RAP1GDS1: variants seen among roughly 807,000 people sequenced by gnomAD.
RAP1GDS1 encodes Rap1 GTPase-GDP dissociation stimulator 1.
A neutral mutation model predicts 71.1 loss-of-function variants in RAP1GDS1; 35 were observed. The observed-to-expected ratio is 0.49, with a 90% CI of 0.38 to 0.65. The LOEUF is 0.65. Ranked by LOEUF, RAP1GDS1 falls within the 30% of genes least tolerant of loss-of-function variation. RAP1GDS1 has a pLI of 0.00. For synonymous variants in RAP1GDS1, 229 were observed against 243.1 expected, an observed-to-expected ratio of 0.94 and a Z score of 0.54; for missense variants, 663 against 706.1, an observed-to-expected ratio of 0.94 and a Z score of 0.69.
At chr4:98,308,277 C>CAT (rs1176439955) in intron 2 of RAP1GDS1, among the ~76,000 whole-genome samples, 2 of 128,784 alleles carry the variant, frequency 1.6e-5, no homozygotes, top group African/African-American at 6.1e-5. Flanking sequence ...CACCCACACA[C>CAT]ATATATATAC....
At position 98,320,221 on chromosome 4, in the gene RAP1GDS1, GACTT is replaced by G. The variant is rs375229332; in HGVS notation, c.113-22913_113-22910del. Among the ~76,000 whole-genome samples the G allele has an allele frequency of 3.9e-3, 592 of 152,220 alleles. 2 individuals are homozygous for G. The highest frequency in any genetic ancestry group is 7.4e-3 in the Admixed American group (114 of 15,304). ...AGTCAAAAGATATTTGCGGGTTTTC[GACTT>G]ACTTTATTTATTCTTTTATCAGCAA... On this transcript the variant is annotated intron_variant, in intron 2 of 14. Transcript: ENST00000408927.
At chr4:98,355,162 A>T (rs1165222390) in intron 4 of RAP1GDS1, among the ~76,000 whole-genome samples, 1 of 152,134 alleles carries the variant, frequency 6.6e-6, no homozygotes, top group Non-Finnish European at 1.5e-5. Flanking sequence ...TGACAACTGG[A>T]AATTTTTCCT....
In RAP1GDS1 at chr4:98,427,220, T is replaced by C. The variant is rs139447520; in HGVS notation, c.1440+5826T>C. Among the ~76,000 whole-genome samples the C allele has an allele frequency of 7.7e-4, 117 of 152,140 alleles. 1 individual carries two copies. The highest frequency in any genetic ancestry group is 1.4e-3 in the Non-Finnish European group (97 of 67,966). The stretch of plus-strand genomic sequence containing the variant: ...TTAACATACCAGTGACATACCTCAA[T>C]ATAATAAAAGCCGTCTATGAGAAAC... On this transcript the variant is annotated intron_variant, in intron 12 of 14. Transcript: ENST00000408927.
chr4:98,358,104 C>T (rs1738209364), intron 4 of RAP1GDS1, among the ~76,000 whole-genome samples: 1 of 151,902 alleles, frequency 6.6e-6, no homozygotes, highest in Admixed American at 6.6e-5. Context: ...ACTTGATATG[C>T]CTTGTAATTT....
chr4:98,377,622 A>G (rs1285527682), intron 4 of RAP1GDS1, among the ~76,000 whole-genome samples: 2 of 125,092 alleles, frequency 1.6e-5, no homozygotes, highest in African/African-American at 7.2e-5. Context: ...AGGTCTTACT[A>G]TATAATTGTG....
intron 1 of RAP1GDS1, among the ~76,000 whole-genome samples, chr4:98,274,693 T>C (rs1723953220): frequency 6.6e-6 from 1 of 152,176 alleles, no homozygotes; most frequent in Non-Finnish European, 1.5e-5. Flanking sequence ...ATGGAGACTC[T>C]TCATAGACTC....
At chr4:98,356,343 A>G (rs1040923915) in intron 4 of RAP1GDS1, among the ~76,000 whole-genome samples, 3 of 152,114 alleles carry the variant, frequency 2.0e-5, no homozygotes, top group African/African-American at 7.2e-5. Flanking sequence ...ATTTGTTTAT[A>G]TAACTGTACA....
chr4:98,400,367 A>G (rs989412809), intron 6 of RAP1GDS1, among the ~76,000 whole-genome samples: 3 of 152,056 alleles, frequency 2.0e-5, no homozygotes, highest in Non-Finnish European at 2.9e-5. Flanking sequence ...CACACACACA[A>G]TGGAATACTA....
intron 14 of RAP1GDS1, chr4:98,441,239 C>T (rs1035398895): frequency 2.9e-6 from 2 of 682,432 alleles, no homozygotes; most frequent in African/African-American, 3.9e-5. Flanking sequence ...GTACTGATTA[C>T]ATTAAGCTTA....
chr4:98,351,744 C>G (rs2110419920), intron 3 of RAP1GDS1, among the ~76,000 whole-genome samples: 1 of 150,480 alleles, frequency 6.6e-6, no homozygotes, highest in Non-Finnish European at 1.5e-5. Context: ...GTGGTGGTAT[C>G]ATGGTGAGTT....
intron 4 of RAP1GDS1, among the ~76,000 whole-genome samples, chr4:98,374,893 G>C (rs537952499): frequency 1.3e-5 from 2 of 152,190 alleles, no homozygotes; most frequent in East Asian, 3.9e-4. Context: ...TGTTAACAAG[G>C]AACATTCCTA....
Position 98,352,559 on chromosome 4 carries a change from C to T in RAP1GDS1, c.319C>T (p.Leu107Phe), listed in dbSNP as rs1737373305. 6.2e-7 allele frequency: 1 copy of T among 1,613,920 alleles called. No homozygotes were observed. Among genetic ancestry groups the T allele is most frequent in the South Asian group, 1.1e-5 (1 of 91,078 alleles). Residue 107 changes from leucine to phenylalanine, a missense_variant, in exon 4 of 15, where the codon CTT (leucine) becomes TTT (phenylalanine). By Grantham distance (22) the Leu-to-Phe change is conservative. Coordinates refer to ENST00000408927, the MANE Select transcript of RAP1GDS1 (RefSeq NM_001100427.2). ...AAATAGCAAAGACCAGGAAGTGCTG[C>T]TTCAAACGGGCAGGGCTCTAGGAAA... is the stretch of plus-strand genomic sequence containing the variant. ...LLNSKDQEVL[L>F]QTGRALGNIC... is the part of the protein sequence containing the mutation.
chr4:98,414,257 T>A (rs1747567150), intron 7 of RAP1GDS1, among the ~76,000 whole-genome samples: 2 of 144,774 alleles, frequency 1.4e-5, no homozygotes, highest in Non-Finnish European at 3.0e-5. Context: ...TTGTTGCCAT[T>A]GCTTTTGGTG....
intron 6 of RAP1GDS1, among the ~76,000 whole-genome samples, chr4:98,394,718 A>G (rs1744259116): frequency 6.6e-6 from 1 of 152,130 alleles, no homozygotes; most frequent in Non-Finnish European, 1.5e-5. Flanking sequence ...TAGAGTTCTA[A>G]GACAAATAAC....
chr4:98,394,874 G>A (rs1415850861), intron 6 of RAP1GDS1, among the ~76,000 whole-genome samples: 1 of 151,970 alleles, frequency 6.6e-6, no homozygotes, highest in Non-Finnish European at 1.5e-5. Context: ...TCACGTTAGG[G>A]CAATAGTTTT....
At chr4:98,300,563 C>A (rs900524767) in intron 2 of RAP1GDS1, among the ~76,000 whole-genome samples, 10 of 152,010 alleles carry the variant, frequency 6.6e-5, no homozygotes, top group African/African-American at 2.2e-4. Context: ...CCACACCCAG[C>A]TAATTTTTTG....
At position 98,372,582 on chromosome 4, in the gene RAP1GDS1, C is replaced by A. The variant is rs948773559; in HGVS notation, c.362-6435C>A. Among the ~76,000 whole-genome samples, 5 of 152,224 alleles carry A rather than the reference C, an allele frequency of 3.3e-5. No individual in the cohort carries two copies. The South Asian group carries it at 6.2e-4, about 19-fold the overall frequency. On this transcript the variant is annotated intron_variant, in intron 4 of 14. Coordinates refer to ENST00000408927, the MANE Select transcript of RAP1GDS1 (RefSeq NM_001100427.2). The stretch of plus-strand genomic sequence containing the variant: ...AAATATTATGTCACATTAATTTAAT[C>A]AATCACCTTACTGTACAGTTCCACT...
chr4:98,265,662 A>G (rs1402422951), intron 1 of RAP1GDS1, among the ~76,000 whole-genome samples: 2 of 152,180 alleles, frequency 1.3e-5, no homozygotes, highest in Non-Finnish European at 2.9e-5. Flanking sequence ...CATGGTAAGA[A>G]TCTTGAGGAA....
chr4:98,398,712 C>T (rs1036624382), intron 6 of RAP1GDS1, among the ~76,000 whole-genome samples: 3 of 151,948 alleles, frequency 2.0e-5, no homozygotes, highest in Admixed American at 6.6e-5. Context: ...CCTCTTAGAA[C>T]CAAAAAATGA....
Sources: gnomAD v4.1 joint callset for allele counts (sites outside exome capture counted in the v4.1 genomes callset) on GRCh38, gnomAD v4.1.1 for gene constraint, MANE v1.5 for transcripts, NCBI Gene and HGNC (gene_info 2026-07-23, HGNC 2026-07-21) for gene names.